Variants in RMDN2 observed in about 807,000 individuals in gnomAD.
RMDN2 encodes the protein regulator of microtubule dynamics 2.
A neutral mutation model predicts 52.8 loss-of-function variants in RMDN2; 61 were observed. The ratio of observed to expected loss-of-function variants is 1.16; its 90% CI spans 0.94 to 1.43. The LOEUF (loss-of-function observed/expected upper bound fraction) is 1.43. RMDN2 is among the 40% of genes most tolerant of loss of function. The pLI is 0.00. For synonymous variants in RMDN2, 180 were observed against 153.1 expected, an observed-to-expected ratio of 1.18 and a Z score of -1.30; for missense variants, 592 against 475.3, an observed-to-expected ratio of 1.25 and a Z score of -2.28.
chr2:37,947,620 A>G lies in RMDN2; in HGVS notation c.452+17891A>G, dbSNP rs148192383. ...ATGAATGTTGCTGTTACTGTCCACA[A>G]TCAGGCACATTTGATAAACTATAAA... On this transcript the variant is annotated intron_variant, in intron 2 of 10. Transcript: ENST00000354545. Among the ~76,000 whole-genome samples, 410 of 152,294 alleles carry G rather than the reference A, an allele frequency of 2.7e-3. 2 individuals carry two copies. Among genetic ancestry groups the G allele is most frequent in the Middle Eastern group, 0.01 (3 of 294 alleles).
At chr2:37,950,681 C>T (rs1259079987) in intron 2 of RMDN2, 6 of 1,307,026 alleles carry the variant, frequency 4.6e-6, no homozygotes, top group Non-Finnish European at 6.6e-6. Context: ...CCTTTGTTTC[C>T]CATAATAACT....
Position 37,989,635 on chromosome 2 carries a change from T to TTG in RMDN2, c.867+19_867+20insTG, listed in dbSNP as rs747941488. 6.7e-7 allele frequency: 1 copy of TTG among 1,486,984 alleles called. No individual in the cohort carries two copies. The highest frequency in any genetic ancestry group is 1.8e-5 in the Admixed American group (1 of 55,976). The allele number at this position is 1,486,984 out of a possible 1,614,324, so 92.1% of individuals were successfully genotyped here. A position where few individuals can be genotyped will look rare whatever the true frequency, so the allele number is the denominator to read the frequency against. On this transcript the variant is annotated intron_variant, in intron 6 of 10. Coordinates refer to ENST00000354545, the MANE Select transcript of RMDN2 (RefSeq NM_001170791.3). The stretch of plus-strand genomic sequence containing the variant: ...CTTCAAGGTATTTCTTTTTTTTTTT[T>TTG]CATATTTCTTTTCAGATCCAGACAT...
At chr2:37,997,100 C>T (rs1562286) in intron 7 of RMDN2, among the ~76,000 whole-genome samples, 62,974 of 151,706 alleles carry the variant, frequency 0.42, 14,396 homozygotes, top group East Asian at 0.77. Context: ...GCATTATTTC[C>T]CACCCCACCC....
At chr2:37,929,214 G>T (rs774399095) in intron 1 of RMDN2, 48 bp from the exon 2 acceptor site, 1 of 1,152,440 alleles carries the variant, frequency 8.7e-7, no homozygotes, top group Non-Finnish European at 1.2e-6. Context: ...TTTTGTCTTG[G>T]ACAAAGACAT....
chr2:37,964,255 G>A (rs753741264), intron 2 of RMDN2, among the ~76,000 whole-genome samples: 37 of 152,278 alleles, frequency 2.4e-4, no homozygotes, highest in African/African-American at 6.7e-4. Context: ...CTCCATACAC[G>A]TGAGTTTCTT....
intron 2 of RMDN2, among the ~76,000 whole-genome samples, chr2:37,942,644 C>G (rs750915628): frequency 2.6e-5 from 4 of 152,168 alleles, no homozygotes; most frequent in African/African-American, 7.2e-5. Context: ...AATTATTTTT[C>G]AATTTGTATT....
At chr2:37,978,154 A>C (rs1279869686) in intron 4 of RMDN2, among the ~76,000 whole-genome samples, 1 of 152,150 alleles carries the variant, frequency 6.6e-6, no homozygotes, top group African/African-American at 2.4e-5. Context: ...CCCCGTCTCC[A>C]CCAAAAAATA....
chr2:38,059,923 A>T (rs1681975648), intron 10 of RMDN2, among the ~76,000 whole-genome samples: 1 of 151,698 alleles, frequency 6.6e-6, no homozygotes, highest in South Asian at 2.1e-4. Flanking sequence ...TTTGAGACGG[A>T]GTCTCGCTCT....
chr2:38,053,286 A>C (rs1293607781), intron 10 of RMDN2, among the ~76,000 whole-genome samples: 1 of 152,164 alleles, frequency 6.6e-6, no homozygotes, highest in Non-Finnish European at 1.5e-5. Context: ...CCAAATATAC[A>C]ACAAGTGATC....
chr2:37,932,309 C>A (rs1666829821), intron 2 of RMDN2, among the ~76,000 whole-genome samples: 1 of 151,856 alleles, frequency 6.6e-6, no homozygotes, highest in African/African-American at 2.4e-5. Flanking sequence ...CAAAGCACAT[C>A]TTGCACCGCC....
At chr2:37,997,611 C>A in intron 8 of RMDN2, 97 bp downstream of exon 8, 1 of 810,176 alleles carries the variant, frequency 1.2e-6, no homozygotes, top group Non-Finnish European at 2.1e-6. Context: ...CCATGTGGAG[C>A]CTCAGTTTGA....
chr2:37,967,925 A>G (rs539331533), intron 2 of RMDN2, among the ~76,000 whole-genome samples: 5 of 152,378 alleles, frequency 3.3e-5, no homozygotes, highest in Non-Finnish European at 7.3e-5. Context: ...AATGGCTGGT[A>G]TGTTCACTTA....
In RMDN2 at chr2:37,951,804, C is replaced by G. The variant is rs939707723; in HGVS notation, c.452+22075C>G. The G allele has an allele frequency of 2.5e-6, 4 of 1,613,608 alleles. No individual in the cohort carries two copies. The East Asian group carries it at 6.7e-5, about 27-fold the overall frequency. Reference sequence around the variant, plus strand: ...GAATTTTGAAACAAACACTACTTCTCCAGCCTTTGGGAACACTATTGATAC... The same window carrying G: ...GAATTTTGAAACAAACACTACTTCTGCAGCCTTTGGGAACACTATTGATAC... On this transcript the variant is annotated intron_variant, in intron 2 of 10. Coordinates refer to ENST00000354545, the MANE Select transcript of RMDN2 (RefSeq NM_001170791.3).
chr2:38,058,410 C>A (rs62136338), intron 10 of RMDN2, among the ~76,000 whole-genome samples: 4 of 78,526 alleles, frequency 5.1e-5, no homozygotes, highest in Admixed American at 1.5e-4. Context: ...TAATTCCCAG[C>A]CTTGGAAGGG....
At chr2:38,041,138 C>G (rs991823860) in intron 10 of RMDN2, among the ~76,000 whole-genome samples, 15 of 152,108 alleles carry the variant, frequency 9.9e-5, no homozygotes. Flanking sequence ...AGCCTAACTT[C>G]TCCAGTTTCA....
At chr2:37,959,945 G>A (rs1303113360) in intron 2 of RMDN2, among the ~76,000 whole-genome samples, 2 of 145,372 alleles carry the variant, frequency 1.4e-5, no homozygotes, top group East Asian at 1.9e-4. Context: ...TTTCCATGTA[G>A]TTGTGCAGTT....
intron 10 of RMDN2, among the ~76,000 whole-genome samples, chr2:38,038,810 C>G (rs1680763091): frequency 6.6e-6 from 1 of 152,052 alleles, no homozygotes; most frequent in Non-Finnish European, 1.5e-5. Context: ...TTGGGCTGGC[C>G]AGACCTGATC....
chr2:38,018,570 C>T (rs575712440), downstream of RMDN2, among the ~76,000 whole-genome samples: 1 of 152,148 alleles, frequency 6.6e-6, no homozygotes, highest in Admixed American at 6.5e-5. Context: ...ATGTTATAGG[C>T]AACGGCACAG....
intron 10 of RMDN2, chr2:38,039,409 C>T (rs1374647075): frequency 6.6e-6 from 1 of 152,162 alleles, no homozygotes; most frequent in African/African-American, 2.4e-5. Context: ...CTCCATTTTC[C>T]CATTTCTCAG....
Sources: allele counts gnomAD v4.1 joint callset (sites outside exome capture counted in the v4.1 genomes callset), GRCh38; gene constraint gnomAD v4.1.1; transcripts MANE v1.5; gene names NCBI Gene and HGNC (gene_info 2026-07-23, HGNC 2026-07-21).